LRP1B: variants seen among roughly 807,000 people sequenced by gnomAD.
LRP1B encodes LDL receptor related protein 1B, also known as low-density lipoprotein receptor-related protein 1B.
LRP1B carries 217 observed loss-of-function variants against 556.6 expected under a neutral mutation model. The ratio of observed to expected loss-of-function variants is 0.39; its 90% CI spans 0.35 to 0.44. The LOEUF is 0.44. Among genes scored for constraint, LRP1B ranks in the 20% least tolerant of loss-of-function variants. LRP1B has a pLI of 1.00. For missense variants in LRP1B, 5,053 were observed against 5,620.8 expected (o/e 0.90, Z 3.23); for synonymous variants, 2,047 against 1,865.8 (o/e 1.10, Z -2.50).
At chr2:141,310,043 C>A (rs921671419) in intron 3 of LRP1B, among the ~76,000 whole-genome samples, 1 of 151,958 alleles carries the variant, frequency 6.6e-6, no homozygotes, top group Non-Finnish European at 1.5e-5. Context: ...GGGACTAAGG[C>A]AATTGGTAGA....
chr2:140,606,917 C>CA (rs983325313), intron 41 of LRP1B, among the ~76,000 whole-genome samples: 1 of 151,508 alleles, frequency 6.6e-6, no homozygotes, highest in African/African-American at 2.4e-5. Context: ...AAACATGACA[C>CA]AAAAAATACA....
At chr2:141,511,039 A>C (rs1684113085) in intron 2 of LRP1B, among the ~76,000 whole-genome samples, 1 of 152,108 alleles carries the variant, frequency 6.6e-6, no homozygotes, top group African/African-American at 2.4e-5. Flanking sequence ...TCTTAAGGTA[A>C]TAAGGTTAGA....
chr2:142,078,407 C>T (rs548266635), intron 1 of LRP1B, among the ~76,000 whole-genome samples: 3 of 152,198 alleles, frequency 2.0e-5, no homozygotes, highest in South Asian at 2.1e-4. Context: ...TAACAGTTGG[C>T]GACCACAATA....
At chr2:140,890,508 A>T (rs563605015) in intron 23 of LRP1B, among the ~76,000 whole-genome samples, 1 of 152,250 alleles carries the variant, frequency 6.6e-6, no homozygotes, top group Non-Finnish European at 1.5e-5. Context: ...TATTCTTTAT[A>T]GTCATTTTAT....
intron 88 of LRP1B, among the ~76,000 whole-genome samples, 184 bp downstream of exon 88, chr2:140,239,258 A>G (rs1209381603): frequency 6.6e-6 from 1 of 150,884 alleles, no homozygotes; most frequent in Non-Finnish European, 1.5e-5. Context: ...TTAACATAAC[A>G]TGGGAGAAGA....
chr2:142,113,386 T>C lies in LRP1B; in HGVS notation c.82+17262A>G, dbSNP rs138200446. Among the ~76,000 whole-genome samples, 20 of 152,192 alleles carry C rather than the reference T, an allele frequency of 1.3e-4. No homozygotes were observed. The East Asian group carries it at 3.9e-3, about 29-fold the overall frequency. On this transcript the variant is annotated intron_variant, in intron 1 of 90. Coordinates refer to ENST00000389484, the MANE Select transcript of LRP1B (RefSeq NM_018557.3). ...TGTCAGATTAGTAATTCCATATCTATAATTTTTAAGCAATACCTCATTAAA... is the reference window on the plus strand; with the variant it reads ...TGTCAGATTAGTAATTCCATATCTACAATTTTTAAGCAATACCTCATTAAA...
chr2:141,395,125 A>G (rs78208892), intron 3 of LRP1B, among the ~76,000 whole-genome samples: 1 of 152,120 alleles, frequency 6.6e-6, no homozygotes, highest in South Asian at 2.1e-4. Context: ...ACTTATTTTT[A>G]AAAATAAATT....
At chr2:140,905,924 G>A (rs764420315) in intron 22 of LRP1B, among the ~76,000 whole-genome samples, 6 of 151,936 alleles carry the variant, frequency 3.9e-5, no homozygotes, top group Non-Finnish European at 5.9e-5. Context: ...GTGCAAATCC[G>A]TTTCTTTTGA....
chr2:141,212,570 G>A (rs956178298), intron 6 of LRP1B, among the ~76,000 whole-genome samples: 24 of 151,390 alleles, frequency 1.6e-4, no homozygotes, highest in African/African-American at 4.9e-4. Flanking sequence ...ACACGTGAGC[G>A]ACCATGCCGG....
intron 2 of LRP1B, among the ~76,000 whole-genome samples, chr2:141,698,276 C>T (rs768684355): frequency 2.6e-5 from 4 of 151,656 alleles, no homozygotes; most frequent in Admixed American, 6.6e-5. Flanking sequence ...ATCCTGCTCT[C>T]GCACATCTTC....
intron 32 of LRP1B, among the ~76,000 whole-genome samples, chr2:140,795,929 T>C (rs1004308842): frequency 1.3e-5 from 2 of 152,092 alleles, no homozygotes; most frequent in Non-Finnish European, 2.9e-5. Flanking sequence ...TGTGATTATA[T>C]TAACTCAAAC....
At chr2:140,982,103 G>A (rs1696786810) in intron 18 of LRP1B, 57 bp downstream of exon 18, 10 of 1,337,168 alleles carry the variant, frequency 7.5e-6, no homozygotes, top group Admixed American at 1.7e-5. Flanking sequence ...GGGTGTAGTG[G>A]TAGGGTATCC....
At chr2:141,411,729 A>G (rs1387158756) in intron 3 of LRP1B, among the ~76,000 whole-genome samples, 1 of 152,156 alleles carries the variant, frequency 6.6e-6, no homozygotes, top group Non-Finnish European at 1.5e-5. Context: ...TCCAGTGTCA[A>G]AAATTGATTA....
At chr2:140,319,238 CA>C (rs1377129474) in intron 82 of LRP1B, among the ~76,000 whole-genome samples, 1 of 152,020 alleles carries the variant, frequency 6.6e-6, no homozygotes, top group Non-Finnish European at 1.5e-5. Context: ...GGAAAACCAC[CA>C]AAAACTGTCT....
rs547970120 is a variant in LRP1B, at chr2:141,434,868, G to A, written c.343+45528C>T. Among the ~76,000 whole-genome samples, 16 of 152,134 alleles carry A rather than the reference G, an allele frequency of 1.1e-4. No individual in the cohort carries two copies. The East Asian group carries it at 1.5e-3, about 15-fold the overall frequency. On this transcript the variant is annotated intron_variant, in intron 3 of 90. Transcript: ENST00000389484. Reference sequence around the variant, plus strand: ...GATATCCCTACTCAGATTTCTCTCCGCATTTTTTCTTTTAATCTGGCTACC... The same window carrying A: ...GATATCCCTACTCAGATTTCTCTCCACATTTTTTCTTTTAATCTGGCTACC...
intron 3 of LRP1B, among the ~76,000 whole-genome samples, chr2:141,310,678 T>G (rs1411369984): frequency 2.0e-5 from 3 of 152,034 alleles, no homozygotes; most frequent in African/African-American, 7.2e-5. Context: ...GAATAAAGAA[T>G]AGGCTTTTAA....
At chr2:140,642,953 C>G (rs1305249349) in intron 41 of LRP1B, among the ~76,000 whole-genome samples, 1 of 152,136 alleles carries the variant, frequency 6.6e-6, no homozygotes, top group Admixed American at 6.5e-5. Context: ...TATATACAAA[C>G]ATAAATATGC....
intron 84 of LRP1B, among the ~76,000 whole-genome samples, chr2:140,286,173 AAGC>A (rs1683143306): frequency 6.6e-6 from 1 of 151,846 alleles, no homozygotes; most frequent in African/African-American, 2.4e-5. Context: ...TCCCCTTGGA[AAGC>A]AGGGCACTAT....
intron 3 of LRP1B, among the ~76,000 whole-genome samples, chr2:141,341,419 A>G (rs1000367547): frequency 2.0e-5 from 3 of 152,160 alleles, no homozygotes; most frequent in Non-Finnish European, 4.4e-5. Context: ...CTCCTCATTA[A>G]AGAAATAGAG....
Sources: gnomAD v4.1 joint callset for allele counts (sites outside exome capture counted in the v4.1 genomes callset) on GRCh38, gnomAD v4.1.1 for gene constraint, MANE v1.5 for transcripts, NCBI Gene and HGNC (gene_info 2026-07-23, HGNC 2026-07-21) for gene names.